FNIP2: variants seen among roughly 807,000 people sequenced by gnomAD.
FNIP2 encodes folliculin-interacting protein 2.
Under a neutral mutation model 108.7 loss-of-function variants are expected in FNIP2, and 32 were observed. The ratio of observed to expected loss-of-function variants is 0.29; its 90% CI spans 0.22 to 0.40. FNIP2 has a LOEUF of 0.40. FNIP2 is among the 10% of genes least tolerant of loss of function. The pLI is 1.00. For synonymous variants in FNIP2, 480 were observed against 496.7 expected (o/e 0.97, Z 0.45); for missense variants, 1,202 against 1,381.6 (o/e 0.87, Z 2.06).
chr4:158,807,041 T>G (rs902478885), intron 1 of FNIP2, among the ~76,000 whole-genome samples: 2 of 152,216 alleles, frequency 1.3e-5, no homozygotes, highest in Non-Finnish European at 2.9e-5. Flanking sequence ...ATTTATTAAT[T>G]TTATTATTAG....
At chr4:158,827,135 A>G (rs1778203669) in intron 2 of FNIP2, among the ~76,000 whole-genome samples, 1 of 152,144 alleles carries the variant, frequency 6.6e-6, no homozygotes, top group African/African-American at 2.4e-5. Context: ...AGGTAGGTGA[A>G]GGGAGGGAGG....
intron 1 of FNIP2, among the ~76,000 whole-genome samples, chr4:158,809,626 C>A (rs1777161085): frequency 6.6e-6 from 1 of 152,206 alleles, no homozygotes; most frequent in Non-Finnish European, 1.5e-5. Flanking sequence ...ATTCTTACGG[C>A]TGTTTATATG....
At position 158,861,538 on chromosome 4, in the gene FNIP2, G is replaced by T. The variant is rs1243275095; in HGVS notation, c.1295+50G>T. 6.2e-6 allele frequency: 10 copies of T among 1,613,534 alleles called. No individual in the cohort carries two copies. In the Admixed American group the frequency reaches 6.7e-5, roughly 11 times the overall value. ...TGTATGCAAATCTCATGGCCAATGTGTGTACTGCATAGGATGTGCCTCTTT... is the reference window on the plus strand; with the variant it reads ...TGTATGCAAATCTCATGGCCAATGTTTGTACTGCATAGGATGTGCCTCTTT... On this transcript the variant is annotated intron_variant, in intron 11 of 16. Transcript: ENST00000264433.
chr4:158,861,509 G>A, intron 11 of FNIP2, 21 bp downstream of exon 11: 1 of 1,613,830 alleles, frequency 6.2e-7, no homozygotes, highest in Non-Finnish European at 8.5e-7. Flanking sequence ...ACTCTCTGGA[G>A]ACTTGTATGC....
chr4:158,865,561 C>A (rs1309923949), intron 12 of FNIP2, among the ~76,000 whole-genome samples: 1 of 152,150 alleles, frequency 6.6e-6, no homozygotes, highest in Non-Finnish European at 1.5e-5. Context: ...TACTCAAATG[C>A]ATTGCTAAAA....
At chr4:158,813,183 G>T (rs1463085266) in intron 1 of FNIP2, among the ~76,000 whole-genome samples, 1 of 152,148 alleles carries the variant, frequency 6.6e-6, no homozygotes, top group East Asian at 1.9e-4. Context: ...ATACACAGCT[G>T]CAGGCTTTTC....
intron 14 of FNIP2, chr4:158,872,225 T>C: frequency 1.2e-5 from 12 of 985,462 alleles, no homozygotes; most frequent in Non-Finnish European, 1.3e-5. Context: ...ATGCAATCTA[T>C]TGATTGATAA....
intron 7 of FNIP2, chr4:158,835,696 G>A (rs1778759261): frequency 6.1e-6 from 2 of 328,742 alleles, no homozygotes; most frequent in Non-Finnish European, 1.2e-5. Context: ...AAATTTATAT[G>A]AGACTAATGT....
intron 14 of FNIP2, among the ~76,000 whole-genome samples, chr4:158,880,242 A>C (rs1781510683): frequency 6.6e-6 from 1 of 152,202 alleles, no homozygotes; most frequent in Admixed American, 6.5e-5. Flanking sequence ...GCACATATAC[A>C]CTACGGAATA....
chr4:158,779,737 C>CTTTTT (rs34598926), intron 1 of FNIP2, among the ~76,000 whole-genome samples: 1 of 133,372 alleles, frequency 7.5e-6, no homozygotes, highest in Admixed American at 7.6e-5. Flanking sequence ...CCATACCCAC[C>CTTTTT]TTTTTTTTTT....
chr4:158,836,903 A>G (rs1359889503), intron 7 of FNIP2, among the ~76,000 whole-genome samples: 1 of 152,098 alleles, frequency 6.6e-6, no homozygotes, highest in African/African-American at 2.4e-5. Flanking sequence ...TGAGAAGATA[A>G]AGGGAAACTT....
chr4:158,842,332 T>C (rs2126627088), intron 7 of FNIP2, among the ~76,000 whole-genome samples: 1 of 152,358 alleles, frequency 6.6e-6, no homozygotes, highest in African/African-American at 2.4e-5. Context: ...TAATAACTTA[T>C]ATTAAAAGAA....
chr4:158,791,812 C>T (rs1405582787), intron 1 of FNIP2, among the ~76,000 whole-genome samples: 1 of 152,116 alleles, frequency 6.6e-6, no homozygotes, highest in Non-Finnish European at 1.5e-5. Flanking sequence ...GGGTTATATA[C>T]ATCAGTAATC....
At chr4:158,851,570 T>G in intron 8 of FNIP2, 120 bp downstream of exon 8, 6 of 1,223,860 alleles carry the variant, frequency 4.9e-6, no homozygotes, top group Admixed American at 2.4e-5. Context: ...TTTTATTAGC[T>G]TCAGCTGAGC....
intron 7 of FNIP2, among the ~76,000 whole-genome samples, chr4:158,843,190 C>G (rs567768850): frequency 6.6e-6 from 1 of 152,298 alleles, no homozygotes; most frequent in African/African-American, 2.4e-5. Flanking sequence ...CAGAGCCATA[C>G]TATCACTTAT....
intron 1 of FNIP2, among the ~76,000 whole-genome samples, chr4:158,781,220 C>G (rs1286321489): frequency 6.6e-6 from 1 of 152,058 alleles, no homozygotes; most frequent in Non-Finnish European, 1.5e-5. Context: ...GCTCTTTAAT[C>G]TGGGCTAGTT....
At chr4:158,885,645 C>G (rs1781987894) in intron 14 of FNIP2, among the ~76,000 whole-genome samples, 1 of 152,168 alleles carries the variant, frequency 6.6e-6, no homozygotes, top group South Asian at 2.1e-4. Flanking sequence ...GGGTTCTATG[C>G]TACACGTTTC....
chr4:158,904,105 A>C (rs536244589), intron 16 of FNIP2, among the ~76,000 whole-genome samples: 73 of 152,348 alleles, frequency 4.8e-4, no homozygotes, highest in African/African-American at 1.7e-3. Context: ...GTTGACTGGA[A>C]GAATGAGTTT....
At chr4:158,796,123 G>T (rs895781084) in intron 1 of FNIP2, 3 of 152,122 alleles carry the variant, frequency 2.0e-5, no homozygotes, top group Admixed American at 2.0e-4. Flanking sequence ...TATAGAGTCC[G>T]TTCTATCTTC....
Sources: allele counts gnomAD v4.1 joint callset (sites outside exome capture counted in the v4.1 genomes callset), GRCh38; gene constraint gnomAD v4.1.1; transcripts MANE v1.5; gene names NCBI Gene and HGNC (gene_info 2026-07-23, HGNC 2026-07-21).